Variants in SCNN1D observed in about 807,000 individuals in gnomAD.
SCNN1D encodes epithelial sodium channel subunit delta.
In SCNN1D, 104 loss-of-function variants were observed where a neutral mutation model predicts 87.8. The observed-to-expected ratio is 1.18, with a 90% CI of 1.01 to 1.39. The LOEUF (loss-of-function observed/expected upper bound fraction) is 1.39, where lower values mean the gene tolerates loss of function less well. SCNN1D is among the 40% of genes most tolerant of loss of function. The probability of loss-of-function intolerance (pLI) is 0.00; values close to 1 mark genes in which losing one functional copy is unlikely to be tolerated. For synonymous variants in SCNN1D, 628 were observed against 481.2 expected (o/e 1.31, Z -3.99); for missense variants, 1,324 against 1,093.9 (o/e 1.21, Z -2.97).
Position 1,290,617 on chromosome 1 carries a change from C to T in SCNN1D, c.1860-20C>T. The stretch of plus-strand genomic sequence containing the variant: ...TTGCCCCAGGTAGCGTGGCAGGTGA[C>T]ACCCGGCTGTCTCTTCCAGGGAGTC... On this transcript the variant is annotated intron_variant, in intron 14 of 17. Coordinates refer to ENST00000379116, the MANE Select transcript of SCNN1D (RefSeq NM_001130413.4). 1.9e-6 allele frequency: 3 copies of T among 1,612,632 alleles called. No individual in the cohort carries two copies. The highest frequency in any genetic ancestry group is 1.1e-5 in the South Asian group (1 of 91,086).
chr1:1,286,648 T>TC, intron 7 of SCNN1D, 120 bp from the exon 8 acceptor site: 1 of 964,774 alleles, frequency 1.0e-6, no homozygotes, highest in Non-Finnish European at 1.5e-6. Context: ...TGGGTCCAGC[T>TC]CACCCCACTG....
At position 1,288,022 on chromosome 1, in the gene SCNN1D, C is replaced by G. The variant is rs1640643169; in HGVS notation, c.1647C>G (p.Thr549=). The G allele has an allele frequency of 2.6e-6, 4 of 1,537,464 alleles. No homozygotes were observed. Among genetic ancestry groups the G allele is most frequent in the Non-Finnish European group, 3.5e-6 (4 of 1,141,408 alleles). Residue 549 remains threonine, a synonymous_variant, in exon 12 of 18, where the codon ACC becomes ACG. Coordinates refer to ENST00000379116, the MANE Select transcript of SCNN1D (RefSeq NM_001130413.4). ...EGVEVELLHN[T]SYTRQACLVS... is the part of the protein sequence containing the mutation. The stretch of plus-strand genomic sequence containing the variant: ...TGGAGGTGGAGCTGCTACACAACAC[C>G]TCCTACACCAGGCAGGTGAGGCTGG...
chr1:1,288,625 TCC>T (rs764901292), intron 12 of SCNN1D, among the ~76,000 whole-genome samples: 31 of 12,930 alleles, frequency 2.4e-3, no homozygotes, highest in Admixed American at 4.7e-3. Flanking sequence ...CTCTGCTCCG[TCC>T]CCCGTGTCTC....
In SCNN1D at chr1:1,291,620, G is replaced by A; in HGVS notation, c.*10G>A. 6.6e-7 allele frequency: 1 copy of A among 1,506,624 alleles called. No homozygotes were observed. The highest frequency in any genetic ancestry group is 8.9e-7 in the Non-Finnish European group (1 of 1,123,940). 93.3% of individuals were successfully genotyped at this position (1,506,624 alleles called of 1,614,324 possible). A position where few individuals can be genotyped will look rare whatever the true frequency, so the allele number is the denominator to read the frequency against. ...GACTCTGGACACCTGAACCAGACCT[G>A]CCAGGGCTGTGCGATCTCTTGGCCT... On this transcript the variant is annotated 3_prime_UTR_variant, in exon 18 of 18. Transcript: ENST00000379116.
At chr1:1,283,908 G>C in intron 4 of SCNN1D, 70 bp from the exon 5 acceptor site, 3 of 840,136 alleles carry the variant, frequency 3.6e-6, no homozygotes, top group Non-Finnish European at 5.2e-6. Flanking sequence ...CGGGGCAGGT[G>C]TGGCTGCCCT....
rs919116581 is a variant in SCNN1D, at chr1:1,287,878, G to T, written c.1563+42G>T. The T allele has an allele frequency of 4.0e-6, 6 of 1,516,864 alleles. No homozygotes were observed. In the East Asian group the frequency reaches 1.5e-4, roughly 38 times the overall value. 94.0% of individuals were successfully genotyped at this position (1,516,864 alleles called of 1,614,324 possible). On this transcript the variant is annotated intron_variant, in intron 11 of 17. Transcript: ENST00000379116. ...AGCCAACCTCCGGCCCAGGCCTCCT[G>T]CCCAACCTGGGCTTTGGGGGGTGAG... is the stretch of plus-strand genomic sequence containing the variant.
chr1:1,290,707 A>G lies in SCNN1D; in HGVS notation c.1917+13A>G. 1 of 1,612,406 alleles carries G rather than the reference A, an allele frequency of 6.2e-7. No individual in the cohort carries two copies. The highest frequency in any genetic ancestry group is 1.1e-5 in the South Asian group (1 of 91,078). ...CGCCAAGTCAGCTGTGAGTCCCCAA[A>G]GTGGTGGGGTGGGGGTGTGGACAGC... On this transcript the variant is annotated intron_variant, in intron 15 of 17. Coordinates refer to ENST00000379116, the MANE Select transcript of SCNN1D (RefSeq NM_001130413.4).
In SCNN1D at chr1:1,285,633, C is replaced by G; in HGVS notation, c.527C>G (p.Thr176Ser). Reference protein sequence around the residue: ...CHLKGWQHRPTQHNAACKQGQ... With the variant: ...CHLKGWQHRPSQHNAACKQGQ... ...CTGAAGGGATGGCAGCACAGACCCA[C>G]TCAGCACAACGCTGCCTGCAAACAG... Residue 176 changes from threonine (T) to serine (S), a missense_variant, in exon 6 of 18, where the codon ACT becomes AGT. By Grantham distance (58) the Thr-to-Ser change is moderately conservative. Coordinates refer to ENST00000379116, the MANE Select transcript of SCNN1D (RefSeq NM_001130413.4). 6.5e-7 allele frequency: 1 copy of G among 1,547,550 alleles called. No homozygotes were observed.
intron 4 of SCNN1D, 63 bp from the exon 5 acceptor site, chr1:1,283,915 C>T (rs973790814): frequency 6.3e-6 from 6 of 947,410 alleles, no homozygotes; most frequent in Non-Finnish European, 8.9e-6. Context: ...GGTGTGGCTG[C>T]CCTGGCTGGG....
At position 1,284,721 on chromosome 1, in the gene SCNN1D, G is replaced by T. The variant is rs373787511; in HGVS notation, c.464+631G>T. 2.6e-5 allele frequency among the ~76,000 whole-genome samples: 4 copies of T among 152,192 alleles called. No homozygotes were observed. In the East Asian group the frequency reaches 5.8e-4, roughly 22 times the overall value. On this transcript the variant is annotated intron_variant, in intron 5 of 17. Coordinates refer to ENST00000379116, the MANE Select transcript of SCNN1D (RefSeq NM_001130413.4). ...AACACTGCAGATACTGCGTGTCCAG[G>T]CGCTGTGCATCCCGTGGGTTGGCCA...
chr1:1,290,579 C>G (rs1570867), intron 14 of SCNN1D, 24 bp downstream of exon 14: 360,160 of 1,612,344 alleles, frequency 0.22, 71,951 homozygotes, highest in East Asian at 0.9. Context: ...GTTGGGGTCG[C>G]GGCCAGGGAT....
intron 4 of SCNN1D, 115 bp downstream of exon 4, chr1:1,282,430 C>A: frequency 8.2e-7 from 1 of 1,223,832 alleles, no homozygotes; most frequent in Non-Finnish European, 1.1e-6. Context: ...GTCAGGAACA[C>A]AGAGCCTACC....
intron 12 of SCNN1D, among the ~76,000 whole-genome samples, 172 bp downstream of exon 12, chr1:1,288,209 C>CTCTGCTCCGTCCCGTGTG: frequency 6.8e-6 from 1 of 146,594 alleles, no homozygotes; most frequent in South Asian, 2.2e-4. Flanking sequence ...TTCCCTGTGT[C>CTCTGCTCCGTCCCGTGTG]TCTGCTCCGT....
chr1:1,290,564 G>A lies in SCNN1D; in HGVS notation c.1859+9G>A, dbSNP rs761763490. 10 of 1,612,476 alleles carry A rather than the reference G, an allele frequency of 6.2e-6. 1 individual carries two copies. In the South Asian group the frequency reaches 9.9e-5, roughly 16 times the overall value. On this transcript the variant is annotated intron_variant, in intron 14 of 17. Coordinates refer to ENST00000379116, the MANE Select transcript of SCNN1D (RefSeq NM_001130413.4). Reference sequence around the variant, plus strand: ...TGCCCCAGGCCCTGCAGGTGAGACGGGGGTGTTGGGGTCGCGGCCAGGGAT... The same window carrying A: ...TGCCCCAGGCCCTGCAGGTGAGACGAGGGTGTTGGGGTCGCGGCCAGGGAT...
At position 1,282,805 on chromosome 1, in the gene SCNN1D, T is replaced by C. The variant is rs185806797; in HGVS notation, c.351+490T>C. Among the ~76,000 whole-genome samples, 726 of 150,886 alleles carry C rather than the reference T, an allele frequency of 4.8e-3. 4 individuals carry two copies. The highest frequency in any genetic ancestry group is 8.6e-3 in the Non-Finnish European group (585 of 67,820). On this transcript the variant is annotated intron_variant, in intron 4 of 17. Coordinates refer to ENST00000379116, the MANE Select transcript of SCNN1D (RefSeq NM_001130413.4). ...TCTTGCTCTGTCGCCCAGGCTGGAG[T>C]GCAGTGGCACGATCTCGGCTCACTG...
rs1036690210 is a variant in SCNN1D at position 1,284,051 on chromosome 1, G to T, written c.425G>T (p.Gly142Val). 7.6e-7 allele frequency: 1 copy of T among 1,322,718 alleles called. No homozygotes were observed. The highest frequency in any genetic ancestry group is 9.6e-7 in the Non-Finnish European group (1 of 1,040,616). The allele number at this position is 1,322,718 out of a possible 1,614,324, so 81.9% of individuals were successfully genotyped here. A position where few individuals can be genotyped will look rare whatever the true frequency, so the allele number is the denominator to read the frequency against. Residue 142 changes from glycine (G) to valine (V), a missense_variant, in exon 5 of 18, where the codon GGA becomes GTA. By Grantham distance (109) the Gly-to-Val change is moderately radical (BLOSUM62 -3). Transcript: ENST00000379116. Reference protein sequence around the residue: ...PQWLSTEAWTGEWKQPHGGAL... With the variant: ...PQWLSTEAWTVEWKQPHGGAL... ...TGGCTGAGCACCGAAGCATGGACGG[G>T]AGAATGGAAGCAGCCACACGGGGGG...
Position 1,291,780 on chromosome 1 carries a change from A to G in SCNN1D, c.*170A>G, listed in dbSNP as rs1475347363. 3 of 493,248 alleles carry G rather than the reference A, an allele frequency of 6.1e-6. No homozygotes were observed. The highest frequency in any genetic ancestry group is 1.0e-5 in the Non-Finnish European group (3 of 286,370). The allele number at this position is 493,248 out of a possible 1,614,324, so 30.6% of individuals were successfully genotyped here. A position where few individuals can be genotyped will look rare whatever the true frequency, so the allele number is the denominator to read the frequency against. Reference sequence around the variant, plus strand: ...CGGCGCCTCTGGTCAAACCACCTACACTGCCTGGGGTGGGTCTCAAGGAGG... The same window carrying G: ...CGGCGCCTCTGGTCAAACCACCTACGCTGCCTGGGGTGGGTCTCAAGGAGG... On this transcript the variant is annotated 3_prime_UTR_variant, in exon 18 of 18. Coordinates refer to ENST00000379116, the MANE Select transcript of SCNN1D (RefSeq NM_001130413.4).
In SCNN1D at chr1:1,290,701, C is replaced by A; in HGVS notation, c.1917+7C>A. The A allele has an allele frequency of 2.5e-6, 4 of 1,612,518 alleles. No homozygotes were observed. Among genetic ancestry groups the A allele is most frequent in the Non-Finnish European group, 3.4e-6 (4 of 1,179,868 alleles). ...GCCTTCCGCCAAGTCAGCTGTGAGT[C>A]CCCAAAGTGGTGGGGTGGGGGTGTG... On this transcript the variant is annotated splice_region_variant and intron_variant, in intron 15 of 17. Coordinates refer to ENST00000379116, the MANE Select transcript of SCNN1D (RefSeq NM_001130413.4).
chr1:1,286,363 C>T (rs1218781167), intron 7 of SCNN1D, 85 bp downstream of exon 7: 3 of 1,126,664 alleles, frequency 2.7e-6, no homozygotes, highest in Non-Finnish European at 3.7e-6. Flanking sequence ...CCCACTGGCC[C>T]CTGTAGCCGA....
Sources: allele counts gnomAD v4.1 joint callset (sites outside exome capture counted in the v4.1 genomes callset), GRCh38; gene constraint gnomAD v4.1.1; transcripts MANE v1.5; gene names NCBI Gene and HGNC (gene_info 2026-07-23, HGNC 2026-07-21).